Variants in SPATA9 observed in about 807,000 individuals in gnomAD.
SPATA9 encodes the protein spermatogenesis associated 9.
SPATA9 carries 27 observed loss-of-function variants against 25.5 expected under a neutral mutation model. The ratio of observed to expected loss-of-function variants is 1.06; its 90% confidence interval spans 0.78 to 1.46. The LOEUF (loss-of-function observed/expected upper bound fraction) is 1.46. Among genes scored for constraint, SPATA9 ranks in the 40% most tolerant of loss-of-function variants. The probability of loss-of-function intolerance (pLI) is 0.00; values close to 1 mark genes in which losing one functional copy is unlikely to be tolerated. For synonymous variants in SPATA9, 102 were observed against 105.7 expected (o/e 0.97, Z 0.21); for missense variants, 282 against 297.5 (o/e 0.95, Z 0.38).
the SPATA9 span, among the ~76,000 whole-genome samples, chr5:95,709,507 G>C: frequency 2.6e-5 from 4 of 152,052 alleles, no homozygotes; most frequent in Non-Finnish European, 5.9e-5. Flanking sequence ...AGAGCTCTGG[G>C]GTCAATAGGC....
At chr5:95,703,228 G>A (rs1472969685), upstream of SPATA9, among the ~76,000 whole-genome samples, 1 of 152,170 alleles carries the variant, frequency 6.6e-6, no homozygotes, top group African/African-American at 2.4e-5. Context: ...TGATCACAAA[G>A]TATTTCTCTG....
At chr5:95,731,030 C>A in the SPATA9 span, 1 of 967,728 alleles carries the variant, frequency 1.0e-6, no homozygotes, top group Non-Finnish European at 1.4e-6. Context: ...CCCCACCCCC[C>A]TTTCCTGGCT....
chr5:95,711,234 T>C, the SPATA9 span, among the ~76,000 whole-genome samples: 1 of 151,932 alleles, frequency 6.6e-6, no homozygotes, highest in Admixed American at 6.6e-5. Context: ...CTCAAGGAGG[T>C]CTCTAGCTTC....
chr5:95,708,286 C>T, the SPATA9 span, among the ~76,000 whole-genome samples: 2 of 152,046 alleles, frequency 1.3e-5, no homozygotes, highest in African/African-American at 4.8e-5. Flanking sequence ...GCCGGATTGG[C>T]TTGCATGGGC....
intron 1 of SPATA9, among the ~76,000 whole-genome samples, chr5:95,689,866 G>A (rs1753839335): frequency 6.6e-6 from 1 of 152,128 alleles, no homozygotes; most frequent in African/African-American, 2.4e-5. Flanking sequence ...AAAAAAGAAT[G>A]AGATAATGTT....
At chr5:95,682,253 G>A (rs887402176) in intron 2 of SPATA9, among the ~76,000 whole-genome samples, 3 of 152,122 alleles carry the variant, frequency 2.0e-5, no homozygotes, top group Non-Finnish European at 2.9e-5. Flanking sequence ...CATTGCAATT[G>A]TAGTGTTGAG....
At chr5:95,665,277 C>A (rs1171861775) in intron 3 of SPATA9, among the ~76,000 whole-genome samples, 1 of 152,126 alleles carries the variant, frequency 6.6e-6, no homozygotes, top group Non-Finnish European at 1.5e-5. Context: ...CCGTAGTCAC[C>A]CTACTGCGCA....
chr5:95,663,779 T>C (rs1179241714), intron 4 of SPATA9, among the ~76,000 whole-genome samples, 174 bp downstream of exon 4: 1 of 152,192 alleles, frequency 6.6e-6, no homozygotes, highest in African/African-American at 2.4e-5. Flanking sequence ...AACTGGGTTT[T>C]GGTGGATTGA....
At chr5:95,653,294 T>C in intron 8 of SPATA9, 1 of 1,532,868 alleles carries the variant, frequency 6.5e-7, no homozygotes, top group Non-Finnish European at 8.8e-7. Flanking sequence ...AAGAGCCAAC[T>C]GTGTACTCCA....
chr5:95,708,780 A>G, the SPATA9 span: 1 of 612,340 alleles, frequency 1.6e-6, no homozygotes, highest in Middle Eastern at 4.3e-4. Flanking sequence ...GATCGACTGC[A>G]AAGGTGACTT....
chr5:95,660,120 C>CA (rs1368870826), intron 4 of SPATA9, among the ~76,000 whole-genome samples: 1 of 152,112 alleles, frequency 6.6e-6, no homozygotes, highest in Non-Finnish European at 1.5e-5. Flanking sequence ...ATTTATTTCT[C>CA]ACAGTTCTGG....
chr5:95,680,591 A>G (rs1403633623), intron 2 of SPATA9, among the ~76,000 whole-genome samples: 2 of 152,048 alleles, frequency 1.3e-5, no homozygotes, highest in Non-Finnish European at 2.9e-5. Flanking sequence ...CGGGGGTTCT[A>G]TCCTATGCCC....
the SPATA9 span, among the ~76,000 whole-genome samples, chr5:95,710,869 G>A: frequency 1.3e-5 from 2 of 152,052 alleles, no homozygotes; most frequent in East Asian, 1.9e-4. Flanking sequence ...AAAACCTTTT[G>A]GGCTATTTCT....
intron 1 of SPATA9, among the ~76,000 whole-genome samples, chr5:95,697,814 C>T (rs1324474880): frequency 6.6e-6 from 1 of 152,042 alleles, no homozygotes; most frequent in Non-Finnish European, 1.5e-5. Context: ...TACCCAGCTC[C>T]CTATAACCAT....
At chr5:95,663,898 CAT>C (rs1403664875) in intron 4 of SPATA9, 53 bp downstream of exon 4, 2 of 1,016,350 alleles carry the variant, frequency 2.0e-6, no homozygotes, top group Non-Finnish European at 2.9e-6. Context: ...GTATTATTAA[CAT>C]TACACAAAAT....
the SPATA9 span, chr5:95,731,450 C>T: frequency 4.8e-5 from 58 of 1,211,488 alleles, no homozygotes; most frequent in Non-Finnish European, 5.8e-5. Flanking sequence ...CCGGGCACTC[C>T]CTGAGTAGCG....
At chr5:95,731,727 G>C in the SPATA9 span, 1 of 1,612,634 alleles carries the variant, frequency 6.2e-7, no homozygotes, top group Non-Finnish European at 8.5e-7. Flanking sequence ...TCTCCAGCGC[G>C]TGCCGTGCGC....
At chr5:95,652,200 A>C, downstream of SPATA9, 1 of 1,486,612 alleles carries the variant, frequency 6.7e-7, no homozygotes, top group East Asian at 2.5e-5. Context: ...AATGAATTTC[A>C]TTTGATTAGC....
At chr5:95,659,420 A>C (rs562946188) in intron 4 of SPATA9, 5 of 153,488 alleles carry the variant, frequency 3.3e-5, no homozygotes, top group African/African-American at 9.6e-5. Context: ...TATGCCACTC[A>C]GTACTTTAAG....
Sources: allele counts gnomAD v4.1 joint callset (sites outside exome capture counted in the v4.1 genomes callset), GRCh38; gene constraint gnomAD v4.1.1; transcripts MANE v1.5; gene names NCBI Gene and HGNC (gene_info 2026-07-23, HGNC 2026-07-21).